SPAG16: variants seen among roughly 807,000 people sequenced by gnomAD.
SPAG16 encodes the protein sperm-associated antigen 16 protein.
A neutral mutation model predicts 80.4 loss-of-function variants in SPAG16; 86 were observed. That is an observed-to-expected ratio of 1.07 (90% confidence interval 0.90 to 1.28). SPAG16 has a LOEUF of 1.28. SPAG16 is among the 50% of genes most tolerant of loss of function. The pLI is 0.00. For missense variants in SPAG16, 870 were observed against 765.3 expected, an observed-to-expected ratio of 1.14 and a Z score of -1.61; for synonymous variants, 294 against 265.9, an observed-to-expected ratio of 1.11 and a Z score of -1.03.
At chr2:214,195,694 G>A (rs2057816101) in intron 15 of SPAG16, among the ~76,000 whole-genome samples, 1 of 151,940 alleles carries the variant, frequency 6.6e-6, no homozygotes, top group Middle Eastern at 3.2e-3. Context: ...AGAAGACTGG[G>A]CAAAAGTAGA....
chr2:213,452,648 T>A (rs1180022489), intron 9 of SPAG16, among the ~76,000 whole-genome samples: 1 of 152,228 alleles, frequency 6.6e-6, no homozygotes, highest in Admixed American at 6.5e-5. Context: ...GTTGTTGAGA[T>A]GAGGACAATA....
At chr2:213,672,642 C>G (rs1047837270) in intron 10 of SPAG16, among the ~76,000 whole-genome samples, 1 of 151,836 alleles carries the variant, frequency 6.6e-6, no homozygotes, top group African/African-American at 2.4e-5. Context: ...TTTTTGCATC[C>G]CTTCTTCTTA....
At chr2:213,785,966 C>A (rs1303886023) in intron 10 of SPAG16, among the ~76,000 whole-genome samples, 1 of 151,674 alleles carries the variant, frequency 6.6e-6, no homozygotes, top group Non-Finnish European at 1.5e-5. Flanking sequence ...GAGATCACAC[C>A]ATTGCACTCC....
chr2:214,305,165 G>A (rs1202694693), intron 15 of SPAG16, among the ~76,000 whole-genome samples: 2 of 152,118 alleles, frequency 1.3e-5, no homozygotes, highest in African/African-American at 4.8e-5. Context: ...TTAGCTGCAT[G>A]TATGTTTTCT....
At chr2:213,705,877 AATTTATGCAAATCCCATATGGG>A (rs2065730574) in intron 10 of SPAG16, among the ~76,000 whole-genome samples, 1 of 152,116 alleles carries the variant, frequency 6.6e-6, no homozygotes. Context: ...AAAATCCTAC[AATTTATGCAAATCCCATATGGG>A]ATTTATGCAA....
intron 15 of SPAG16, among the ~76,000 whole-genome samples, chr2:214,314,926 A>G (rs536635863): frequency 6.6e-6 from 1 of 152,046 alleles, no homozygotes; most frequent in African/African-American, 2.4e-5. Context: ...CCTGATGGGT[A>G]GTGGAGAAGG....
At chr2:213,697,304 G>T (rs1301469145) in intron 10 of SPAG16, among the ~76,000 whole-genome samples, 1 of 152,288 alleles carries the variant, frequency 6.6e-6, no homozygotes, top group South Asian at 2.1e-4. Flanking sequence ...TAAATATGCA[G>T]TGCAGTGGAG....
rs187396105 is a variant in SPAG16, at chr2:213,627,437, T to C, written c.1070+137347T>C. Among the ~76,000 whole-genome samples the C allele has an allele frequency of 6.0e-4, 91 of 152,356 alleles. 1 individual carries two copies. The highest frequency in any genetic ancestry group is 3.4e-3 in the Middle Eastern group (1 of 294). ...ATCAGGTCTTTCTTCTTTCAATACC[T>C]GGAGGAAAAATACTCACCATTTAAG... On this transcript the variant is annotated intron_variant, in intron 10 of 15. Transcript: ENST00000331683.
intron 10 of SPAG16, among the ~76,000 whole-genome samples, chr2:213,859,482 C>T (rs2075328824): frequency 6.6e-6 from 1 of 152,066 alleles, no homozygotes; most frequent in Non-Finnish European, 1.5e-5. Flanking sequence ...CTGGCAATTT[C>T]TAAATTGGTT....
intron 10 of SPAG16, among the ~76,000 whole-genome samples, chr2:213,693,335 A>G (rs566387573): frequency 7.4e-4 from 112 of 152,344 alleles, no homozygotes; most frequent in Non-Finnish European, 9.1e-4. Flanking sequence ...ATGAACATAG[A>G]GCAAAGGCGA....
At chr2:214,123,577 C>T (rs1371468924) in intron 14 of SPAG16, among the ~76,000 whole-genome samples, 1 of 151,980 alleles carries the variant, frequency 6.6e-6, no homozygotes, top group Non-Finnish European at 1.5e-5. Flanking sequence ...GTCCTGTCCT[C>T]AGGAACCTTA....
chr2:213,818,490 G>A (rs1582839), intron 10 of SPAG16, among the ~76,000 whole-genome samples: 30,808 of 152,040 alleles, frequency 0.2, 3,560 homozygotes, highest in South Asian at 0.33. Flanking sequence ...GCTCTGCCTT[G>A]GGTCTCATAT....
rs1464481028 is a variant in SPAG16 at position 213,407,280 on chromosome 2, G to T, written c.942+32161G>T. ...TTCAGAGGGGGAAAGGGAGAAATAG[G>T]TCAATCTTCCAGGACAGGCAAGACA... On this transcript the variant is annotated intron_variant, in intron 9 of 15. Transcript: ENST00000331683. Among the ~76,000 whole-genome samples the T allele has an allele frequency of 1.3e-5, 2 of 152,062 alleles. 1 individual carries two copies. The highest frequency in any genetic ancestry group is 2.9e-5 in the Non-Finnish European group (2 of 68,014).
In SPAG16 at chr2:214,213,992, T is replaced by C. The variant is rs75066207; in HGVS notation, c.1720+64726T>C. ...CCTTCATTTAAGGTGAAACTCTATT[T>C]ATAGTGCCTTTTGTGATAGAACTCG... is the stretch of plus-strand genomic sequence containing the variant. On this transcript the variant is annotated intron_variant, in intron 15 of 15. Coordinates refer to ENST00000331683, the MANE Select transcript of SPAG16 (RefSeq NM_024532.5). 2.8e-3 allele frequency among the ~76,000 whole-genome samples: 421 copies of C among 152,306 alleles called. 3 individuals carry two copies. Among genetic ancestry groups the C allele is most frequent in the African/African-American group, 9.7e-3 (404 of 41,570 alleles).
At chr2:213,440,558 A>G (rs1043876666) in intron 9 of SPAG16, among the ~76,000 whole-genome samples, 9 of 145,246 alleles carry the variant, frequency 6.2e-5, no homozygotes, top group Non-Finnish European at 1.4e-4. Context: ...CCATCTCAAA[A>G]CAACAACAAC....
chr2:213,735,585 A>G (rs2067246495), intron 10 of SPAG16, among the ~76,000 whole-genome samples: 1 of 152,112 alleles, frequency 6.6e-6, no homozygotes, highest in Non-Finnish European at 1.5e-5. Flanking sequence ...ATAAGGGAAA[A>G]TTGCAAAATA....
chr2:213,664,807 G>A (rs2063543923), intron 10 of SPAG16, among the ~76,000 whole-genome samples: 1 of 148,328 alleles, frequency 6.7e-6, no homozygotes, highest in Admixed American at 6.7e-5. Flanking sequence ...CTTCATATAT[G>A]TGTGTGTCTG....
At chr2:214,102,916 A>G (rs1261102953) in intron 13 of SPAG16, among the ~76,000 whole-genome samples, 1 of 152,164 alleles carries the variant, frequency 6.6e-6, no homozygotes, top group East Asian at 1.9e-4. Context: ...GGAGCAAAAA[A>G]AGGGAGGCCT....
intron 10 of SPAG16, among the ~76,000 whole-genome samples, chr2:213,679,069 G>A (rs191678281): frequency 2.0e-5 from 3 of 152,166 alleles, no homozygotes; most frequent in East Asian, 1.9e-4. Flanking sequence ...CTTCCTTAAC[G>A]AAGGACACCT....
Sources: gnomAD v4.1 joint callset for allele counts (sites outside exome capture counted in the v4.1 genomes callset) on GRCh38, gnomAD v4.1.1 for gene constraint, MANE v1.5 for transcripts, NCBI Gene and HGNC (gene_info 2026-07-23, HGNC 2026-07-21) for gene names.